The following IQCH variants were observed in gnomAD, a reference collection of about 807,000 sequenced individuals.
The protein encoded by IQCH is IQ motif containing H.
Under a neutral mutation model 117.0 loss-of-function variants are expected in IQCH, and 98 were observed. That is an observed-to-expected ratio of 0.84 (90% CI 0.71 to 0.99). The LOEUF (loss-of-function observed/expected upper bound fraction) is 0.99. IQCH is among the 50% of genes least tolerant of loss of function. The pLI is 0.00. For synonymous variants in IQCH, 412 were observed against 448.2 expected (o/e 0.92, Z 1.02); for missense variants, 1,102 against 1,243.8 (o/e 0.89, Z 1.72).
chr15:67,296,017 A>G (rs1966850290), intron 4 of IQCH, among the ~76,000 whole-genome samples: 1 of 152,160 alleles, frequency 6.6e-6, no homozygotes, highest in Non-Finnish European at 1.5e-5. Context: ...ATCCTAGTGT[A>G]TTTTATTTAG....
rs1042593886 is a variant in IQCH, at chr15:67,467,354, T to G, written c.2676+2057T>G. Among the ~76,000 whole-genome samples the G allele has an allele frequency of 7.2e-5, 11 of 152,366 alleles. No homozygotes were observed. In the East Asian group the frequency reaches 1.9e-3, roughly 27 times the overall value. On this transcript the variant is annotated intron_variant, in intron 17 of 20. Coordinates refer to ENST00000335894, the MANE Select transcript of IQCH (RefSeq NM_001031715.3). This position sits in a 1 kb window ranked among gnomAD's most constrained non-coding sequence, Gnocchi z 5.7. ...AAGTTGTGCTTTGAGTGAGAAGCAC[T>G]CTTCCATTTTCCCCATGTTGCCTAT...
chr15:67,260,924 C>T (rs187595691), intron 1 of IQCH, among the ~76,000 whole-genome samples: 81 of 151,956 alleles, frequency 5.3e-4, no homozygotes, highest in African/African-American at 1.3e-3. Context: ...GGTGAAAGCC[C>T]GTCTCTACTA....
intron 16 of IQCH, among the ~76,000 whole-genome samples, chr15:67,452,404 T>C (rs1433938684): frequency 6.6e-6 from 1 of 152,222 alleles, no homozygotes; most frequent in African/African-American, 2.4e-5. Context: ...TCAGGAGCTC[T>C]TTTAGGGCTG....
chr15:67,346,185 A>C (rs1969380184), intron 6 of IQCH, among the ~76,000 whole-genome samples: 1 of 152,236 alleles, frequency 6.6e-6, no homozygotes, highest in Non-Finnish European at 1.5e-5. Context: ...CAATCCAGCA[A>C]GAAGACATAC....
intron 16 of IQCH, among the ~76,000 whole-genome samples, chr15:67,434,301 G>A (rs1237042663): frequency 1.3e-5 from 2 of 151,940 alleles, no homozygotes; most frequent in East Asian, 3.9e-4. Flanking sequence ...TGACTTTTTT[G>A]GATTCCACAT....
At chr15:67,367,533 T>C (rs548394404) in intron 8 of IQCH, among the ~76,000 whole-genome samples, 1 of 152,242 alleles carries the variant, frequency 6.6e-6, no homozygotes, top group South Asian at 2.1e-4. Flanking sequence ...AGGGAGACCC[T>C]GTCTCTAAAA....
intron 4 of IQCH, among the ~76,000 whole-genome samples, chr15:67,320,450 A>G (rs1968062096): frequency 6.6e-6 from 1 of 152,160 alleles, no homozygotes; most frequent in Non-Finnish European, 1.5e-5. Context: ...TATGAAATGT[A>G]ATAGTCATGT....
At position 67,359,359 on chromosome 15, in the gene IQCH, T is replaced by C. The variant is rs879540102; in HGVS notation, c.715-488T>C. On this transcript the variant is annotated intron_variant, in intron 7 of 20. Coordinates refer to ENST00000335894, the MANE Select transcript of IQCH (RefSeq NM_001031715.3). The surrounding 1 kb of genome is among the most constrained non-coding windows in gnomAD (Gnocchi z 4.5). Reference sequence around the variant, plus strand: ...GCTGGAAACAGTAATATTTAATGACTTTTTCCTGTGGTCCCAGATTGGTAC... The same window carrying C: ...GCTGGAAACAGTAATATTTAATGACCTTTTCCTGTGGTCCCAGATTGGTAC... 6.6e-6 allele frequency among the ~76,000 whole-genome samples: 1 copy of C among 152,256 alleles called. No individual in the cohort carries two copies. The highest frequency in any genetic ancestry group is 6.5e-5 in the Admixed American group (1 of 15,288).
At chr15:67,276,401 C>T (rs1338405090) in intron 3 of IQCH, among the ~76,000 whole-genome samples, 2 of 152,198 alleles carry the variant, frequency 1.3e-5, no homozygotes, top group African/African-American at 4.8e-5. Flanking sequence ...GGCCTTGAGA[C>T]ACAAGGAACA....
chr15:67,318,651 T>C (rs970523675), intron 4 of IQCH, among the ~76,000 whole-genome samples: 8 of 152,152 alleles, frequency 5.3e-5, no homozygotes, highest in Non-Finnish European at 7.3e-5. Flanking sequence ...TTAAAACATA[T>C]AATAAAATTA....
rs372609290 is a variant in IQCH, at chr15:67,488,645, T to C, written c.2800-1358T>C. 4.5e-4 allele frequency among the ~76,000 whole-genome samples: 68 copies of C among 152,214 alleles called. 1 individual carries two copies. In the South Asian group the frequency reaches 0.013, roughly 28 times the overall value. ...AGGGACTGGTTTCATGGAAGACAAT[T>C]TTTCCATGGACGTGGAGGTGGGTAG... On this transcript the variant is annotated intron_variant, in intron 18 of 20. Coordinates refer to ENST00000335894, the MANE Select transcript of IQCH (RefSeq NM_001031715.3).
chr15:67,429,653 G>T (rs1429496166), intron 16 of IQCH, among the ~76,000 whole-genome samples: 1 of 152,148 alleles, frequency 6.6e-6, no homozygotes, highest in East Asian at 1.9e-4. Context: ...ATACACACAG[G>T]TCTTACAATA....
At chr15:67,462,027 G>A (rs1385124877) in intron 16 of IQCH, among the ~76,000 whole-genome samples, 2 of 151,856 alleles carry the variant, frequency 1.3e-5, no homozygotes, top group East Asian at 2.0e-4. Context: ...TTGGGGTCTC[G>A]TTATGTTGCC....
In IQCH at chr15:67,369,594, AAAAG is replaced by A. The variant is rs1189345483; in HGVS notation, c.754-2514_754-2511del. 3.3e-5 allele frequency among the ~76,000 whole-genome samples: 5 copies of A among 152,110 alleles called. No homozygotes were observed. Among genetic ancestry groups the A allele is most frequent in the East Asian group, 1.9e-4 (1 of 5,196 alleles). ...GGAGGAAAGAAGGCAGAGGAAAAGA[AAAAG>A]AAGGAAAGAAAGAAGAAAGAAAGCC... On this transcript the variant is annotated intron_variant, in intron 8 of 20. Transcript: ENST00000335894. This position sits in a 1 kb window ranked among gnomAD's most constrained non-coding sequence, Gnocchi z 5.2.
intron 8 of IQCH, among the ~76,000 whole-genome samples, chr15:67,368,814 G>T (rs1002350561): frequency 7.2e-5 from 11 of 152,200 alleles, no homozygotes; most frequent in African/African-American, 2.6e-4. Flanking sequence ...TACATGAAAA[G>T]AACATTTTTC....
intron 4 of IQCH, among the ~76,000 whole-genome samples, chr15:67,293,130 A>G (rs1596116624): frequency 6.6e-6 from 1 of 152,204 alleles, no homozygotes; most frequent in South Asian, 2.1e-4. Flanking sequence ...TAACAGTAGT[A>G]TCTGTTGTAC....
At chr15:67,437,514 A>G (rs2082167262) in intron 16 of IQCH, among the ~76,000 whole-genome samples, 1 of 152,204 alleles carries the variant, frequency 6.6e-6, no homozygotes, top group African/African-American at 2.4e-5. Flanking sequence ...ACACCCCTAA[A>G]AAATCACACT....
intron 4 of IQCH, among the ~76,000 whole-genome samples, chr15:67,293,110 A>C (rs2140507475): frequency 6.6e-6 from 1 of 152,350 alleles, no homozygotes; most frequent in Admixed American, 6.5e-5. Flanking sequence ...CCTCATCTGC[A>C]AAATGGGTTT....
chr15:67,282,008 T>C (rs1966380380), intron 4 of IQCH: 1 of 316,132 alleles, frequency 3.2e-6, no homozygotes, highest in Non-Finnish European at 6.3e-6. Flanking sequence ...CCAGGATTAT[T>C]AGAGGCACGC....
Sources: gnomAD v4.1 joint callset for allele counts (sites outside exome capture counted in the v4.1 genomes callset) on GRCh38, gnomAD v4.1.1 for gene constraint, Gnocchi (gnomAD v3.1) non-coding constraint, MANE v1.5 for transcripts, NCBI Gene and HGNC (gene_info 2026-07-23, HGNC 2026-07-21) for gene names.